The following CSNK2A1 variants were observed in gnomAD, a reference collection of about 807,000 sequenced individuals.
CSNK2A1 encodes casein kinase II subunit alpha.
CSNK2A1 carries 10 observed loss-of-function variants against 62.9 expected under a neutral mutation model. The ratio of observed to expected loss-of-function variants is 0.16; its 90% CI spans 0.10 to 0.27. The LOEUF is 0.27. Among genes scored for constraint, CSNK2A1 ranks in the 10% least tolerant of loss-of-function variants. CSNK2A1 has a pLI of 1.00. For missense variants in CSNK2A1, 160 were observed against 492.0 expected, an observed-to-expected ratio of 0.33 and a Z score of 6.38; for synonymous variants, 124 against 167.8, an observed-to-expected ratio of 0.74 and a Z score of 2.02.
Position 479,287 on chromosome 20 carries a change from C to T in CSNK2A1, c.*4674G>A, listed in dbSNP as rs2017909677. ...ACATTTGGTGTAACTCTACCATATA[C>T]CAGGCATCTGTCATAGAATCTGAAC... On this transcript the variant is annotated 3_prime_UTR_variant, in exon 14 of 14. Transcript: ENST00000217244. The T allele has an allele frequency of 1.3e-5, 2 of 152,142 alleles. No individual in the cohort carries two copies. The highest frequency in any genetic ancestry group is 4.8e-5 in the African/African-American group (2 of 41,412). 9.4% of individuals were successfully genotyped at this position (152,142 alleles called of 1,614,324 possible). A position where few individuals can be genotyped will look rare whatever the true frequency, so the allele number is the denominator to read the frequency against.
chr20:487,154 A>G, intron 12 of CSNK2A1: 1 of 475,490 alleles, frequency 2.1e-6, no homozygotes, highest in South Asian at 3.2e-5. Flanking sequence ...GTGTATTCTA[A>G]TTCAACCATT....
In CSNK2A1 at chr20:479,396, G is replaced by GT. The variant is rs1258396392; in HGVS notation, c.*4564dup. 1 of 152,140 alleles carries GT rather than the reference G, an allele frequency of 6.6e-6. No homozygotes were observed. The highest frequency in any genetic ancestry group is 1.5e-5 in the Non-Finnish European group (1 of 68,024). 9.4% of individuals were successfully genotyped at this position (152,140 alleles called of 1,614,324 possible). The stretch of plus-strand genomic sequence containing the variant: ...CTCTGGGGAAGGGAGGAAGAAGAGG[G>GT]TATCACCAAAAAAGGGCAAAAAGGG... On this transcript the variant is annotated 3_prime_UTR_variant, in exon 14 of 14. Transcript: ENST00000217244.
At chr20:496,908 A>G (rs1266337255) in intron 7 of CSNK2A1, among the ~76,000 whole-genome samples, 2 of 152,346 alleles carry the variant, frequency 1.3e-5, no homozygotes, top group Middle Eastern at 3.4e-3. Context: ...GTTAAAGTTT[A>G]CTGTTTTATT....
At chr20:505,301 AC>A in intron 3 of CSNK2A1, 72 bp from the exon 4 acceptor site, 3 of 1,058,938 alleles carry the variant, frequency 2.8e-6, no homozygotes, top group Non-Finnish European at 4.2e-6. Context: ...GGAATCTATT[AC>A]CAGCAGCTGT....
At chr20:531,442 T>A (rs1425982244) in intron 1 of CSNK2A1, among the ~76,000 whole-genome samples, 1 of 152,150 alleles carries the variant, frequency 6.6e-6, no homozygotes, top group Non-Finnish European at 1.5e-5. Context: ...ATATATAAAT[T>A]TACAAATAAT....
chr20:495,616 G>A (rs1171083288), intron 8 of CSNK2A1, 103 bp downstream of exon 8: 12 of 899,542 alleles, frequency 1.3e-5, no homozygotes, highest in Admixed American at 4.0e-5. Context: ...CTCAACTGCC[G>A]AATAGGTACT....
At chr20:540,287 A>T (rs369159446) in intron 1 of CSNK2A1, among the ~76,000 whole-genome samples, 1 of 152,234 alleles carries the variant, frequency 6.6e-6, no homozygotes, top group Non-Finnish European at 1.5e-5. Flanking sequence ...CCACTCCATT[A>T]AAGTTCACAT....
At chr20:512,600 G>A (rs767551446) in intron 2 of CSNK2A1, among the ~76,000 whole-genome samples, 2 of 152,060 alleles carry the variant, frequency 1.3e-5, no homozygotes, top group South Asian at 2.1e-4. Context: ...TTCCTTAACC[G>A]TGACAAACAC....
chr20:495,951 G>C, intron 7 of CSNK2A1, 149 bp from the exon 8 acceptor site: 2 of 628,278 alleles, frequency 3.2e-6, no homozygotes, highest in Admixed American at 2.4e-5. Context: ...ATGCTTCAGA[G>C]ACTTGTTCAT....
chr20:530,368 T>A (rs184800953), intron 1 of CSNK2A1, among the ~76,000 whole-genome samples: 1 of 152,210 alleles, frequency 6.6e-6, no homozygotes, highest in Non-Finnish European at 1.5e-5. Flanking sequence ...CACATTCTGG[T>A]TGTCCATTCA....
At chr20:508,756 T>C (rs1156507561) in intron 2 of CSNK2A1, 96 bp from the exon 3 acceptor site, 2 of 514,766 alleles carry the variant, frequency 3.9e-6, no homozygotes, top group South Asian at 2.8e-5. Context: ...GAAATATACC[T>C]CTGGCTCTCC....
chr20:487,984 G>C (rs2122507556), intron 11 of CSNK2A1: 1 of 247,710 alleles, frequency 4.0e-6, no homozygotes, highest in Non-Finnish European at 7.9e-6. Context: ...GAGTGGTTAA[G>C]TGTATAAGTA....
rs2018888824 is a variant in CSNK2A1 at position 518,986 on chromosome 20, A to AG, written c.-110+8946dup. On this transcript the variant is annotated intron_variant, in intron 2 of 13. Coordinates refer to ENST00000217244, the MANE Select transcript of CSNK2A1 (RefSeq NM_177559.3). ...AGTCTTGTTCTGCCACCCAGGTTAG[A>AG]GTGCAGTGGCACGATCTCAGTTCAT... Among the ~76,000 whole-genome samples the AG allele has an allele frequency of 2.1e-5, 3 of 146,100 alleles. No homozygotes were observed. In the South Asian group the frequency reaches 6.5e-4, roughly 32 times the overall value.
At chr20:492,983 G>A (rs1304312796) in intron 8 of CSNK2A1, among the ~76,000 whole-genome samples, 1 of 152,160 alleles carries the variant, frequency 6.6e-6, no homozygotes, top group Admixed American at 6.5e-5. Context: ...AAGCTTATCT[G>A]CCCACTGTGC....
intron 3 of CSNK2A1, chr20:507,037 T>C (rs1489891692): frequency 6.6e-6 from 1 of 152,198 alleles, no homozygotes. Context: ...TGGCATTTAA[T>C]GGTGTCTTTA....
intron 2 of CSNK2A1, among the ~76,000 whole-genome samples, chr20:512,281 A>G (rs981340222): frequency 1.3e-5 from 2 of 148,438 alleles, no homozygotes; most frequent in Admixed American, 6.7e-5. Context: ...TTTAATTTGC[A>G]TTTCCCTAAT....
chr20:526,978 A>G (rs981747151), intron 2 of CSNK2A1: 2 of 141,330 alleles, frequency 1.4e-5, no homozygotes, highest in Admixed American at 7.5e-5. Context: ...TGAGAGAGAG[A>G]GAGAGAAAGA....
At chr20:500,531 A>AT (rs976117581) in intron 4 of CSNK2A1, 29 of 153,012 alleles carry the variant, frequency 1.9e-4, no homozygotes, top group African/African-American at 7.0e-4. Flanking sequence ...AAGAGTACCC[A>AT]TCTCATAAGA....
intron 1 of CSNK2A1, among the ~76,000 whole-genome samples, chr20:537,724 G>C (rs2019365172): frequency 1.3e-5 from 2 of 152,128 alleles, no homozygotes; most frequent in South Asian, 4.1e-4. Context: ...TCAGGTATAA[G>C]AACACATTAA....
Sources: gnomAD v4.1 joint callset for allele counts (sites outside exome capture counted in the v4.1 genomes callset) on GRCh38, gnomAD v4.1.1 for gene constraint, MANE v1.5 for transcripts, NCBI Gene and HGNC (gene_info 2026-07-23, HGNC 2026-07-21) for gene names.